Variants in BACH2 observed in about 807,000 individuals in gnomAD.
BACH2 encodes BACH transcriptional regulator 2, also known as transcription regulator protein BACH2.
In BACH2, 5 loss-of-function variants were observed where a neutral mutation model predicts 61.8. That is an observed-to-expected ratio of 0.08 (90% CI 0.04 to 0.17). The LOEUF (loss-of-function observed/expected upper bound fraction) is 0.17. Among genes scored for constraint, BACH2 ranks in the 10% least tolerant of loss-of-function variants. The pLI is 1.00. For synonymous variants in BACH2, 446 were observed against 440.1 expected (o/e 1.01, Z -0.17); for missense variants, 824 against 1,091.1 (o/e 0.76, Z 3.45).
At position 89,930,997 on chromosome 6, in the gene BACH2, T is replaced by C. The variant is rs536314019; in HGVS notation, c.*1411A>G. The C allele has an allele frequency of 1.3e-5, 2 of 152,502 alleles. No individual in the cohort carries two copies. Among genetic ancestry groups the C allele is most frequent in the East Asian group, 3.8e-4 (2 of 5,280 alleles). The allele number at this position is 152,502 out of a possible 1,614,324, so 9.4% of individuals were successfully genotyped here. ...TCAAATCCCCTCAGGCCAGATGTCC[T>C]GGGAGGCCAAGCCTGGGCAGGAAAG... On this transcript the variant is annotated 3_prime_UTR_variant, in exon 9 of 9. Transcript: ENST00000257749.
chr6:90,045,461 G>T (rs1175722261), intron 5 of BACH2, among the ~76,000 whole-genome samples: 2 of 152,270 alleles, frequency 1.3e-5, no homozygotes, highest in South Asian at 4.2e-4. Flanking sequence ...ATAAAGGTGG[G>T]GGGAAGATCA....
intron 3 of BACH2, among the ~76,000 whole-genome samples, chr6:90,239,781 T>C (rs984106368): frequency 3.6e-5 from 5 of 139,486 alleles, no homozygotes; most frequent in Non-Finnish European, 6.1e-5. Flanking sequence ...ATGATCTCCA[T>C]AGTAAGGGGG....
intron 4 of BACH2, among the ~76,000 whole-genome samples, chr6:90,187,549 G>A (rs1001927419): frequency 2.6e-5 from 4 of 152,150 alleles, no homozygotes; most frequent in Non-Finnish European, 4.4e-5. Flanking sequence ...CACCAGGAGC[G>A]CAGGCTCACT....
chr6:89,979,238 T>C (rs1289056504), intron 6 of BACH2, among the ~76,000 whole-genome samples: 1 of 152,242 alleles, frequency 6.6e-6, no homozygotes, highest in Non-Finnish European at 1.5e-5. Context: ...CTTCCTCTCA[T>C]TCTCACCTAA....
At chr6:89,985,624 C>A (rs766257851) in intron 6 of BACH2, among the ~76,000 whole-genome samples, 7 of 152,200 alleles carry the variant, frequency 4.6e-5, no homozygotes, top group Non-Finnish European at 1.0e-4. Context: ...AGGGGCTCTG[C>A]AGCTTTTGTC....
chr6:90,214,358 G>C (rs533062768), intron 3 of BACH2, among the ~76,000 whole-genome samples: 6 of 151,514 alleles, frequency 4.0e-5, no homozygotes, highest in South Asian at 2.1e-4. Context: ...TTGGCGGGGC[G>C]GGGGGAGGGG....
At chr6:90,283,217 T>G (rs1771911118) in intron 1 of BACH2, among the ~76,000 whole-genome samples, 2 of 152,188 alleles carry the variant, frequency 1.3e-5, no homozygotes, top group African/African-American at 4.8e-5. Flanking sequence ...TTATCTGGCT[T>G]TTTTATTGAT....
At chr6:90,204,173 C>T (rs1432083684) in intron 4 of BACH2, among the ~76,000 whole-genome samples, 3 of 152,106 alleles carry the variant, frequency 2.0e-5, no homozygotes, top group Non-Finnish European at 4.4e-5. Context: ...TGAAGTGCCC[C>T]GTCAGTGAGC....
At position 90,267,164 on chromosome 6, in the gene BACH2, A is replaced by G. The variant is rs147669684; in HGVS notation, c.-353+4685T>C. 4.0e-3 allele frequency among the ~76,000 whole-genome samples: 605 copies of G among 152,196 alleles called. 4 individuals carry two copies. The highest frequency in any genetic ancestry group is 0.013 in the African/African-American group (550 of 41,510). ...TCTTTGTTCTTTTCCCATGTCCTCT[A>G]CCCTACTAAAACGAACAAATAATAT... On this transcript the variant is annotated intron_variant, in intron 2 of 8. Transcript: ENST00000257749.
intron 6 of BACH2, among the ~76,000 whole-genome samples, chr6:89,957,560 C>T (rs961542954): frequency 2.0e-5 from 3 of 152,062 alleles, no homozygotes; most frequent in Non-Finnish European, 2.9e-5. Context: ...TATTTACTGA[C>T]AGGGTCTCAT....
At chr6:89,992,192 G>A (rs1276418791) in intron 6 of BACH2, among the ~76,000 whole-genome samples, 4 of 152,102 alleles carry the variant, frequency 2.6e-5, no homozygotes, top group Non-Finnish European at 4.4e-5. Flanking sequence ...GTATGCAAAT[G>A]TATGCATGAG....
intron 5 of BACH2, among the ~76,000 whole-genome samples, chr6:90,024,177 G>T (rs1260315820): frequency 6.6e-6 from 1 of 151,952 alleles, no homozygotes; most frequent in Admixed American, 6.6e-5. Flanking sequence ...CCAAATTAAA[G>T]ACTGTAGGAG....
rs1377755362 is a variant in BACH2 at position 90,119,157 on chromosome 6, C to T, written c.-161-30048G>A. On this transcript the variant is annotated intron_variant, in intron 4 of 8. Coordinates refer to ENST00000257749, the MANE Select transcript of BACH2 (RefSeq NM_021813.4). ...CAAGTCTTTAGGTGGCACTTGCAAG[C>T]TTCCATGTGCCTATGACATTTGGGA... 2.0e-5 allele frequency among the ~76,000 whole-genome samples: 3 copies of T among 152,176 alleles called. No homozygotes were observed. In the East Asian group the frequency reaches 5.8e-4, roughly 29 times the overall value.
chr6:90,256,685 T>C (rs1770990249), intron 2 of BACH2, among the ~76,000 whole-genome samples: 1 of 152,218 alleles, frequency 6.6e-6, no homozygotes, highest in Non-Finnish European at 1.5e-5. Context: ...AGGCTTAATA[T>C]AGATAGTAAA....
At chr6:90,186,845 G>A (rs996916859) in intron 4 of BACH2, among the ~76,000 whole-genome samples, 1 of 152,170 alleles carries the variant, frequency 6.6e-6, no homozygotes, top group Non-Finnish European at 1.5e-5. Context: ...TAGGGACCTT[G>A]ACCAAGGTCT....
At chr6:89,977,503 C>T (rs1461828808) in intron 6 of BACH2, among the ~76,000 whole-genome samples, 1 of 152,146 alleles carries the variant, frequency 6.6e-6, no homozygotes, top group Non-Finnish European at 1.5e-5. Context: ...CTTTGCAATC[C>T]ATTTCTTTCT....
chr6:89,979,040 A>G (rs1227260617), intron 6 of BACH2, among the ~76,000 whole-genome samples: 2 of 152,180 alleles, frequency 1.3e-5, no homozygotes, highest in Admixed American at 6.5e-5. Flanking sequence ...TTCCCTAAGG[A>G]AAGTGTATGT....
chr6:90,239,746 T>C (rs1770376789), intron 3 of BACH2, among the ~76,000 whole-genome samples: 1 of 151,562 alleles, frequency 6.6e-6, no homozygotes, highest in African/African-American at 2.4e-5. Flanking sequence ...TTTTTCTGTT[T>C]TCCCCAAGCT....
intron 5 of BACH2, among the ~76,000 whole-genome samples, chr6:90,054,595 T>C (rs1331005720): frequency 1.3e-5 from 2 of 152,212 alleles, no homozygotes; most frequent in African/African-American, 4.8e-5. Flanking sequence ...CAGACTTAAA[T>C]GTCCCTCTCT....
Sources: allele counts gnomAD v4.1 joint callset (sites outside exome capture counted in the v4.1 genomes callset), GRCh38; gene constraint gnomAD v4.1.1; transcripts MANE v1.5; gene names NCBI Gene and HGNC (gene_info 2026-07-23, HGNC 2026-07-21).